The following HIVEP3 variants were observed in gnomAD, a reference collection of about 807,000 sequenced individuals.
HIVEP3 encodes transcription factor HIVEP3.
Under a neutral mutation model 152.8 loss-of-function variants are expected in HIVEP3, and 49 were observed. The ratio of observed to expected loss-of-function variants is 0.32; its 90% CI spans 0.26 to 0.41. HIVEP3 has a LOEUF of 0.41. HIVEP3 is among the 10% of genes least tolerant of loss of function. The pLI, the probability that HIVEP3 is intolerant of heterozygous loss-of-function variation, is 1.00. For missense variants in HIVEP3, 2,790 were observed against 3,103.3 expected, an observed-to-expected ratio of 0.90 and a Z score of 2.40; for synonymous variants, 1,269 against 1,289.0, an observed-to-expected ratio of 0.98 and a Z score of 0.33.
At chr1:41,643,906 T>TTTTTTG (rs1553242264) in intron 2 of HIVEP3, among the ~76,000 whole-genome samples, 4 of 143,604 alleles carry the variant, frequency 2.8e-5, no homozygotes, top group Admixed American at 7.2e-5. Flanking sequence ...TTTTTTTTTT[T>TTTTTTG]GACAGGGTCT....
At chr1:41,532,640 C>T (rs1044790533) in intron 5 of HIVEP3, among the ~76,000 whole-genome samples, 22 of 152,094 alleles carry the variant, frequency 1.4e-4, no homozygotes, top group African/African-American at 5.1e-4. Context: ...GCCTCAGTGG[C>T]CATTTGGATG....
At chr1:42,034,458 G>C (rs1158803237) in intron 1 of HIVEP3, among the ~76,000 whole-genome samples, 2 of 152,186 alleles carry the variant, frequency 1.3e-5, no homozygotes, top group Non-Finnish European at 2.9e-5. Flanking sequence ...CTATTAAAAT[G>C]AATCAGGTAT....
chr1:42,032,152 C>T (rs1645616586), intron 1 of HIVEP3, among the ~76,000 whole-genome samples: 5 of 152,200 alleles, frequency 3.3e-5, no homozygotes, highest in South Asian at 4.1e-4. Context: ...AATGCGCCCC[C>T]GGCCCAACTC....
intron 1 of HIVEP3, among the ~76,000 whole-genome samples, chr1:41,710,393 C>T (rs1269580703): frequency 1.3e-5 from 2 of 152,162 alleles, no homozygotes; most frequent in Non-Finnish European, 2.9e-5. Flanking sequence ...TTTCTAAGGT[C>T]GCGCCAGCTC....
intron 1 of HIVEP3, among the ~76,000 whole-genome samples, chr1:41,866,899 C>A (rs1643986739): frequency 6.6e-6 from 1 of 152,206 alleles, no homozygotes. Flanking sequence ...CTGACTTAAA[C>A]CTTGACTGTG....
At chr1:41,611,781 A>T (rs1358943826) in intron 3 of HIVEP3, among the ~76,000 whole-genome samples, 1 of 152,204 alleles carries the variant, frequency 6.6e-6, no homozygotes, top group Non-Finnish European at 1.5e-5. Context: ...GTGCTGCCTG[A>T]TTCCATATCG....
chr1:41,524,315 G>A (rs1040353780), intron 6 of HIVEP3, among the ~76,000 whole-genome samples: 2 of 152,222 alleles, frequency 1.3e-5, no homozygotes, highest in Admixed American at 6.5e-5. Flanking sequence ...GCAGCTGGGA[G>A]TGGAATGGAT....
chr1:41,860,345 C>T (rs1368361451), intron 1 of HIVEP3, among the ~76,000 whole-genome samples: 1 of 152,172 alleles, frequency 6.6e-6, no homozygotes, highest in Admixed American at 6.5e-5. Context: ...TCAAGGTCAG[C>T]ATAGCACAAA....
At chr1:41,626,179 C>A (rs932145701) in intron 3 of HIVEP3, among the ~76,000 whole-genome samples, 3 of 151,568 alleles carry the variant, frequency 2.0e-5, no homozygotes, top group Admixed American at 6.6e-5. Flanking sequence ...TGATGGGCCA[C>A]CCCGCCCTCC....
intron 1 of HIVEP3, among the ~76,000 whole-genome samples, chr1:41,810,074 T>C (rs1271755723): frequency 6.6e-6 from 1 of 152,140 alleles, no homozygotes; most frequent in Admixed American, 6.5e-5. Context: ...CAGGCTCCAG[T>C]GTTCAGGGCC....
intron 7 of HIVEP3, 127 bp from the exon 8 acceptor site, chr1:41,513,877 A>G: frequency 1.4e-6 from 1 of 701,832 alleles, no homozygotes; most frequent in East Asian, 3.0e-5. Flanking sequence ...GCAAGGGCAC[A>G]AGATTGTTGG....
chr1:41,579,889 G>A lies in HIVEP3; in HGVS notation c.4909C>T (p.Pro1637Ser). ...TTAGTGGAAACCCCCGGAAGGTTGG[G>A]GTTGTACAAACTTATGCACCAACCA... is the stretch of plus-strand genomic sequence containing the variant. ...YAGWCISLYNPNLPGVSTKAA... is the reference protein window; with the variant it reads ...YAGWCISLYNSNLPGVSTKAA... Residue 1637 changes from proline (P) to serine (S), a missense_variant, in exon 4 of 9, where the codon CCC (proline) becomes TCC (serine). Pro to Ser is a moderately conservative substitution (Grantham distance 74). Coordinates refer to ENST00000372583, the MANE Select transcript of HIVEP3 (RefSeq NM_024503.5). The A allele has an allele frequency of 2.5e-6, 4 of 1,614,192 alleles. No individual in the cohort carries two copies. The highest frequency in any genetic ancestry group is 3.4e-6 in the Non-Finnish European group (4 of 1,180,038).
At chr1:41,858,016 G>A (rs990858840) in intron 1 of HIVEP3, among the ~76,000 whole-genome samples, 9 of 101,588 alleles carry the variant, frequency 8.9e-5, no homozygotes, top group African/African-American at 1.3e-4. Flanking sequence ...CATTTATTAC[G>A]ACAATGACCA....
chr1:41,996,411 G>C (rs544583581), intron 1 of HIVEP3, among the ~76,000 whole-genome samples: 1 of 151,838 alleles, frequency 6.6e-6, no homozygotes, highest in Admixed American at 6.6e-5. Context: ...AAGAGAGAGA[G>C]AGACAGAGCT....
intron 5 of HIVEP3, among the ~76,000 whole-genome samples, chr1:41,528,860 TCA>T (rs1253717487): frequency 1.9e-5 from 2 of 108,040 alleles, no homozygotes; most frequent in Non-Finnish European, 3.7e-5. Context: ...ACACTCACCT[TCA>T]CACACTCCAC....
At chr1:41,541,473 C>T (rs1290153006) in intron 5 of HIVEP3, among the ~76,000 whole-genome samples, 5 of 152,172 alleles carry the variant, frequency 3.3e-5, no homozygotes, top group Admixed American at 6.5e-5. Context: ...CTGTCCACAT[C>T]GCCTCCCTCC....
At chr1:41,779,848 G>C (rs572827319) in intron 1 of HIVEP3, among the ~76,000 whole-genome samples, 10 of 152,154 alleles carry the variant, frequency 6.6e-5, no homozygotes, top group Non-Finnish European at 1.5e-4. Flanking sequence ...CTTGCTGCAT[G>C]GGGAGAAAGT....
intron 1 of HIVEP3, among the ~76,000 whole-genome samples, chr1:41,769,848 A>G (rs1648235938): frequency 6.6e-6 from 1 of 152,260 alleles, no homozygotes; most frequent in South Asian, 2.1e-4. Flanking sequence ...TCTTTCTTAC[A>G]AAAGAATTCT....
At chr1:41,592,998 A>C (rs564613175) in intron 3 of HIVEP3, among the ~76,000 whole-genome samples, 82 of 152,236 alleles carry the variant, frequency 5.4e-4, no homozygotes, top group African/African-American at 1.9e-3. Flanking sequence ...CAGCCATGTC[A>C]TCAATCCCCA....
Sources: gnomAD v4.1 joint callset for allele counts (sites outside exome capture counted in the v4.1 genomes callset) on GRCh38, gnomAD v4.1.1 for gene constraint, MANE v1.5 for transcripts, NCBI Gene and HGNC (gene_info 2026-07-23, HGNC 2026-07-21) for gene names.